DSCAM: variants seen among roughly 807,000 people sequenced by gnomAD.
DSCAM encodes the protein cell adhesion molecule DSCAM.
DSCAM carries 47 observed loss-of-function variants against 217.7 expected under a neutral mutation model. The observed-to-expected ratio is 0.22, with a 90% CI of 0.17 to 0.28. The LOEUF (loss-of-function observed/expected upper bound fraction) is 0.28. Ranked by LOEUF, DSCAM falls within the 10% of genes least tolerant of loss-of-function variation. The pLI, the probability that DSCAM is intolerant of heterozygous loss-of-function variation, is 1.00. For synonymous variants in DSCAM, 1,056 were observed against 1,015.3 expected (o/e 1.04, Z -0.76); for missense variants, 2,080 against 2,618.3 (o/e 0.79, Z 4.49).
chr21:40,212,243 T>G (rs143108997), intron 11 of DSCAM: 1 of 154,350 alleles, frequency 6.5e-6, no homozygotes. Context: ...GCTGGGATTA[T>G]AGGCGTGAGC....
chr21:40,291,606 A>T (rs66817674), intron 10 of DSCAM, among the ~76,000 whole-genome samples: 3 of 151,512 alleles, frequency 2.0e-5, no homozygotes, highest in Admixed American at 6.6e-5. Context: ...CCTACCCCCA[A>T]CTCTTGGGAA....
chr21:40,018,482 C>T (rs980849171), intron 32 of DSCAM, among the ~76,000 whole-genome samples: 4 of 152,038 alleles, frequency 2.6e-5, no homozygotes, highest in African/African-American at 7.2e-5. Context: ...TTCTGAGACC[C>T]GACTCAATCA....
chr21:40,528,639 T>A (rs2076418704), intron 3 of DSCAM, among the ~76,000 whole-genome samples: 1 of 152,152 alleles, frequency 6.6e-6, no homozygotes, highest in Non-Finnish European at 1.5e-5. Context: ...TCTTTCTAAC[T>A]AACTGGTCTA....
intron 3 of DSCAM, chr21:40,385,366 T>G (rs549432497): frequency 2.0e-5 from 3 of 152,360 alleles, no homozygotes; most frequent in East Asian, 3.9e-4. Flanking sequence ...AGTTCTGTAT[T>G]TTGTTCAATG....
At chr21:40,481,651 A>G (rs1310551674) in intron 3 of DSCAM, among the ~76,000 whole-genome samples, 2 of 152,116 alleles carry the variant, frequency 1.3e-5, no homozygotes, top group East Asian at 3.9e-4. Flanking sequence ...AAATAATCCA[A>G]CAACACTACG....
intron 3 of DSCAM, among the ~76,000 whole-genome samples, chr21:40,639,618 G>A (rs1190322857): frequency 6.6e-6 from 1 of 152,080 alleles, no homozygotes; most frequent in Non-Finnish European, 1.5e-5. Context: ...TTTAGAGTGA[G>A]CCTCCATGTG....
chr21:40,532,868 CTGTGTGTG>C (rs58575678), intron 3 of DSCAM, among the ~76,000 whole-genome samples: 10,856 of 145,942 alleles, frequency 0.074, 452 homozygotes, highest in Non-Finnish European at 0.096. Flanking sequence ...CCACAAGGCT[CTGTGTGTG>C]TGTGTGTGTG....
intron 28 of DSCAM, among the ~76,000 whole-genome samples, chr21:40,061,651 G>A (rs866506450): frequency 7.9e-5 from 12 of 151,990 alleles, no homozygotes; most frequent in African/African-American, 1.9e-4. Flanking sequence ...TTTGAAATAC[G>A]GTATGGCCAA....
At chr21:40,800,072 A>G (rs1376561700) in intron 1 of DSCAM, among the ~76,000 whole-genome samples, 1 of 152,190 alleles carries the variant, frequency 6.6e-6, no homozygotes, top group Non-Finnish European at 1.5e-5. Flanking sequence ...ATAAGAGGAA[A>G]AACGGAGACT....
intron 11 of DSCAM, among the ~76,000 whole-genome samples, chr21:40,223,227 A>G (rs980941920): frequency 6.6e-6 from 1 of 152,212 alleles, no homozygotes. Context: ...GGAGGTCCCC[A>G]GGCTGCAGGG....
At chr21:40,802,665 G>T (rs1411255246) in intron 1 of DSCAM, among the ~76,000 whole-genome samples, 1 of 152,144 alleles carries the variant, frequency 6.6e-6, no homozygotes, top group Non-Finnish European at 1.5e-5. Context: ...GGCATTTGTG[G>T]CTTCGTAACA....
chr21:40,697,286 C>T (rs1172744268), intron 2 of DSCAM, among the ~76,000 whole-genome samples: 1 of 152,202 alleles, frequency 6.6e-6, no homozygotes, highest in Non-Finnish European at 1.5e-5. Context: ...CATGTTGTCT[C>T]TTCAACTTTG....
intron 3 of DSCAM, among the ~76,000 whole-genome samples, chr21:40,616,941 C>T (rs1448604922): frequency 7.1e-6 from 1 of 140,330 alleles, no homozygotes; most frequent in South Asian, 2.4e-4. Context: ...GGCGTGAACC[C>T]GGGAGGCGGA....
At chr21:40,488,271 T>C (rs1445346464) in intron 3 of DSCAM, among the ~76,000 whole-genome samples, 2 of 152,232 alleles carry the variant, frequency 1.3e-5, no homozygotes, top group Non-Finnish European at 2.9e-5. Flanking sequence ...GAGTTTCTGC[T>C]TCCGCAGCAA....
intron 3 of DSCAM, among the ~76,000 whole-genome samples, chr21:40,425,669 CAA>C (rs34174337): frequency 7.1e-4 from 49 of 68,982 alleles, no homozygotes; most frequent in South Asian, 6.4e-3. Flanking sequence ...ACTCGGTGTC[CAA>C]AAAAAAAAAA....
chr21:40,825,640 T>C (rs1195973486), intron 1 of DSCAM, among the ~76,000 whole-genome samples: 1 of 152,158 alleles, frequency 6.6e-6, no homozygotes, highest in Admixed American at 6.6e-5. Context: ...TCAAAAATTT[T>C]TGAACCAAAT....
chr21:40,116,171 A>G (rs919898044), intron 20 of DSCAM, among the ~76,000 whole-genome samples: 1 of 152,160 alleles, frequency 6.6e-6, no homozygotes, highest in Non-Finnish European at 1.5e-5. Flanking sequence ...CAGAGGGTGG[A>G]GGGTGAGAGG....
intron 32 of DSCAM, among the ~76,000 whole-genome samples, chr21:40,029,426 G>GTTTTTTTTTTTTT (rs924937730): frequency 1.4e-5 from 2 of 141,670 alleles, no homozygotes; most frequent in African/African-American, 5.5e-5. Context: ...ATTTGAGGTT[G>GTTTTTTTTTTTTT]TTTTTTTTTT....
At chr21:40,603,646 C>A (rs1297918965) in intron 3 of DSCAM, among the ~76,000 whole-genome samples, 5 of 152,068 alleles carry the variant, frequency 3.3e-5, no homozygotes, top group African/African-American at 1.2e-4. Flanking sequence ...TGACAAAAAT[C>A]TTTATTTCTC....
Sources: allele counts gnomAD v4.1 joint callset (sites outside exome capture counted in the v4.1 genomes callset), GRCh38; gene constraint gnomAD v4.1.1; transcripts MANE v1.5; gene names NCBI Gene and HGNC (gene_info 2026-07-23, HGNC 2026-07-21).